TENM2: variants seen among roughly 807,000 people sequenced by gnomAD.
TENM2 encodes the protein teneurin transmembrane protein 2, also known as teneurin-2.
Under a neutral mutation model 245.2 loss-of-function variants are expected in TENM2, and 52 were observed. The observed-to-expected ratio is 0.21, with a 90% CI of 0.17 to 0.27. The LOEUF is 0.27. Ranked by LOEUF, TENM2 falls within the 10% of genes least tolerant of loss-of-function variation. The probability of loss-of-function intolerance (pLI) is 1.00; values close to 1 mark genes in which losing one functional copy is unlikely to be tolerated. For synonymous variants in TENM2, 1,363 were observed against 1,438.9 expected, an observed-to-expected ratio of 0.95 and a Z score of 1.19; for missense variants, 3,046 against 3,666.8, an observed-to-expected ratio of 0.83 and a Z score of 4.37.
chr5:167,669,764 C>T (rs1206020950), intron 2 of TENM2, among the ~76,000 whole-genome samples: 3 of 151,844 alleles, frequency 2.0e-5, no homozygotes, highest in African/African-American at 7.3e-5. Context: ...TTAAGCAAAA[C>T]GGTTTAAAGT....
intron 1 of TENM2, among the ~76,000 whole-genome samples, chr5:167,293,577 A>C (rs1467502395): frequency 2.7e-5 from 4 of 150,696 alleles, no homozygotes; most frequent in African/African-American, 9.8e-5. Flanking sequence ...CTGTTCTGAG[A>C]CTCCTGGGCA....
chr5:167,444,038 T>C (rs1765014685), intron 2 of TENM2, among the ~76,000 whole-genome samples: 1 of 152,130 alleles, frequency 6.6e-6, no homozygotes, highest in Non-Finnish European at 1.5e-5. Context: ...GTTTAATAAT[T>C]ATATTTTATA....
chr5:167,148,242 G>C, the TENM2 span, among the ~76,000 whole-genome samples: 2 of 152,146 alleles, frequency 1.3e-5, no homozygotes, highest in African/African-American at 4.8e-5. Context: ...GTGTATGAAA[G>C]AGCAATTAAT....
chr5:168,247,071 G>C lies in TENM2; in HGVS notation c.6132G>C (p.Glu2044Asp). Reference sequence around the variant, plus strand: ...CCGCCGTCACCTTCGGGTATGACGAGACCACTGGTGTCTTGAAGATGGTCA... The same window carrying C: ...CCGCCGTCACCTTCGGGTATGACGACACCACTGGTGTCTTGAAGATGGTCA... The change falls in exon 27 of 29, where the codon GAG becomes GAC. Residue 2044 changes from glutamate (E) to aspartate (D), a missense_variant. Physicochemically the swap from Glu to Asp is conservative, Grantham distance 45. Transcript: ENST00000518659. The surrounding 1 kb of genome is among the most constrained non-coding windows in gnomAD (Gnocchi z 7.8). The C allele has an allele frequency of 6.2e-7, 1 of 1,613,962 alleles. No homozygotes were observed. Among genetic ancestry groups the C allele is most frequent in the Non-Finnish European group, 8.5e-7 (1 of 1,179,886 alleles).
chr5:168,157,706 G>C (rs1757306969), intron 12 of TENM2, among the ~76,000 whole-genome samples: 1 of 152,168 alleles, frequency 6.6e-6, no homozygotes, highest in Non-Finnish European at 1.5e-5. Flanking sequence ...ACCTGGATGT[G>C]CCATGCACTG....
intron 2 of TENM2, among the ~76,000 whole-genome samples, chr5:167,680,899 T>C (rs2150375290): frequency 6.7e-6 from 1 of 149,518 alleles, no homozygotes; most frequent in South Asian, 2.2e-4. Context: ...CATTAAGGAA[T>C]AAACCTTGAT....
Position 167,461,759 on chromosome 5 carries a change from A to C in TENM2, c.502+86286A>C, listed in dbSNP as rs541953451. Among the ~76,000 whole-genome samples, 5 of 152,352 alleles carry C rather than the reference A, an allele frequency of 3.3e-5. No homozygotes were observed. In the South Asian group the frequency reaches 1.0e-3, roughly 32 times the overall value. ...TATGGCATAAAACATAAGCAAATGC[A>C]TCACTATTGTAGAGTATAAATTTAA... is the stretch of plus-strand genomic sequence containing the variant. On this transcript the variant is annotated intron_variant, in intron 2 of 28. Transcript: ENST00000518659.
chr5:168,001,324 T>C (rs1784407675), intron 5 of TENM2, among the ~76,000 whole-genome samples: 1 of 152,206 alleles, frequency 6.6e-6, no homozygotes, highest in Non-Finnish European at 1.5e-5. Context: ...GAGAACTGAC[T>C]GAGAGAAACT....
chr5:168,229,466 C>T (rs939263559), intron 25 of TENM2: 1 of 152,130 alleles, frequency 6.6e-6, no homozygotes, highest in Non-Finnish European at 1.5e-5. Flanking sequence ...CCATAACTTC[C>T]TGCACCTTAC....
chr5:167,125,344 C>A, the TENM2 span, among the ~76,000 whole-genome samples: 2 of 152,168 alleles, frequency 1.3e-5, no homozygotes, highest in Non-Finnish European at 2.9e-5. Flanking sequence ...ATGCACTCTG[C>A]AAATGCAAAG....
the TENM2 span, among the ~76,000 whole-genome samples, chr5:167,248,510 G>A: frequency 2.0e-5 from 3 of 152,198 alleles, no homozygotes; most frequent in Admixed American, 6.5e-5. Context: ...GGTGGTGTCC[G>A]TGCTGCCGAT....
intron 7 of TENM2, among the ~76,000 whole-genome samples, chr5:168,081,524 A>G (rs1389104780): frequency 2.0e-5 from 3 of 152,184 alleles, no homozygotes; most frequent in African/African-American, 2.4e-5. Flanking sequence ...TCTTCCTAGC[A>G]TCGATGGTGT....
chr5:168,195,605 T>A (rs1311578530), intron 15 of TENM2, among the ~76,000 whole-genome samples: 1 of 109,704 alleles, frequency 9.1e-6, no homozygotes, highest in African/African-American at 4.4e-5. Context: ...TGTGTGTGTG[T>A]GTGTGTTGGG....
At chr5:168,251,456 G>A (rs1356281777) in intron 27 of TENM2, among the ~76,000 whole-genome samples, 2 of 152,148 alleles carry the variant, frequency 1.3e-5, no homozygotes, top group Non-Finnish European at 2.9e-5. Context: ...ATAAAGGGTG[G>A]TGTCAGAGAA....
At chr5:168,082,246 G>A (rs1200206534) in intron 7 of TENM2, among the ~76,000 whole-genome samples, 7 of 152,146 alleles carry the variant, frequency 4.6e-5, no homozygotes, top group Non-Finnish European at 8.8e-5. Flanking sequence ...TTGTGCATGC[G>A]TCACGTAGTT....
chr5:167,156,381 G>T, the TENM2 span, among the ~76,000 whole-genome samples: 1 of 152,160 alleles, frequency 6.6e-6, no homozygotes, highest in Non-Finnish European at 1.5e-5. Context: ...TCCAGATATT[G>T]TAGTGCTATC....
chr5:168,246,310 C>T (rs928907083), intron 26 of TENM2, among the ~76,000 whole-genome samples: 5 of 152,158 alleles, frequency 3.3e-5, no homozygotes, highest in African/African-American at 1.2e-4. Context: ...CACAGCTCCC[C>T]TGCTGGACCC....
intron 4 of TENM2, among the ~76,000 whole-genome samples, chr5:167,989,606 A>G (rs1783518477): frequency 6.6e-6 from 1 of 152,288 alleles, no homozygotes; most frequent in East Asian, 1.9e-4. Context: ...TCTTTCAGGC[A>G]TGGAAGGATA....
chr5:167,455,455 G>GTT (rs10666572), intron 2 of TENM2, among the ~76,000 whole-genome samples: 8,851 of 141,792 alleles, frequency 0.062, 389 homozygotes, highest in Middle Eastern at 0.096. Context: ...TGTATGTGTA[G>GTT]TTTTTTTTTT....
Sources: gnomAD v4.1 joint callset for allele counts (sites outside exome capture counted in the v4.1 genomes callset) on GRCh38, gnomAD v4.1.1 for gene constraint, Gnocchi (gnomAD v3.1) non-coding constraint, MANE v1.5 for transcripts, NCBI Gene and HGNC (gene_info 2026-07-23, HGNC 2026-07-21) for gene names.